The following SEL1L variants were observed in gnomAD, a reference collection of about 807,000 sequenced individuals.
SEL1L encodes SEL1L adaptor subunit of SYVN1 ubiquitin ligase.
SEL1L carries 52 observed loss-of-function variants against 109.8 expected under a neutral mutation model. That is an observed-to-expected ratio of 0.47 (90% CI 0.38 to 0.60). The LOEUF is 0.60. Among genes scored for constraint, SEL1L ranks in the 20% least tolerant of loss-of-function variants. The pLI, the probability that SEL1L is intolerant of heterozygous loss-of-function variation, is 0.00. For missense variants in SEL1L, 749 were observed against 962.2 expected (o/e 0.78, Z 2.93); for synonymous variants, 373 against 339.6 (o/e 1.10, Z -1.08).
chr14:81,504,340 T>C, intron 4 of SEL1L, 34 bp from the exon 5 acceptor site: 1 of 1,426,032 alleles, frequency 7.0e-7, no homozygotes, highest in Non-Finnish European at 9.5e-7. Context: ...TTTAAATGGA[T>C]TTTAATTCTA....
At chr14:81,523,787 A>G (rs1290129877) in intron 3 of SEL1L, among the ~76,000 whole-genome samples, 1 of 151,960 alleles carries the variant, frequency 6.6e-6, no homozygotes, top group African/African-American at 2.4e-5. Flanking sequence ...CTGATGGAGA[A>G]TCCTCTGCAG....
chr14:81,511,894 G>A (rs894649830), intron 3 of SEL1L, among the ~76,000 whole-genome samples: 7 of 152,176 alleles, frequency 4.6e-5, no homozygotes, highest in Non-Finnish European at 1.0e-4. Context: ...CAGTAAGAAA[G>A]TATACAAAAT....
intron 11 of SEL1L, among the ~76,000 whole-genome samples, chr14:81,494,714 T>C (rs1883674149): frequency 6.6e-6 from 1 of 152,258 alleles, no homozygotes; most frequent in Non-Finnish European, 1.5e-5. Flanking sequence ...AAGCGGTACC[T>C]CCTACCCATT....
chr14:81,526,680 A>T, intron 3 of SEL1L, 53 bp downstream of exon 3: 1 of 1,397,470 alleles, frequency 7.2e-7, no homozygotes, highest in South Asian at 1.2e-5. Context: ...TTAGCTTAAA[A>T]TTTTCAGTTG....
At chr14:81,509,951 C>T (rs1419204877) in intron 3 of SEL1L, among the ~76,000 whole-genome samples, 7 of 152,272 alleles carry the variant, frequency 4.6e-5, no homozygotes, top group African/African-American at 7.2e-5. Flanking sequence ...TGGGTAAATA[C>T]ACTATGGGGC....
chr14:81,530,172 C>A (rs996840422), intron 1 of SEL1L, among the ~76,000 whole-genome samples: 3 of 152,180 alleles, frequency 2.0e-5, no homozygotes, highest in African/African-American at 7.2e-5. Context: ...AGACTGATAA[C>A]CTTTAAACAC....
At chr14:81,500,279 G>A (rs766711817) in intron 6 of SEL1L, among the ~76,000 whole-genome samples, 2 of 152,052 alleles carry the variant, frequency 1.3e-5, no homozygotes, top group Admixed American at 6.6e-5. Flanking sequence ...TGTCGCCTAG[G>A]CTGGAGACCA....
intron 11 of SEL1L, among the ~76,000 whole-genome samples, chr14:81,493,637 C>G (rs1000373395): frequency 6.6e-6 from 1 of 152,238 alleles, no homozygotes; most frequent in African/African-American, 2.4e-5. Flanking sequence ...CTTTCCTTCA[C>G]AGCCAAGCTT....
Position 81,471,706 on chromosome 14 carries a change from A to G in SEL1L, c.*5266T>C, listed in dbSNP as rs1214421382. 1 of 152,254 alleles carries G rather than the reference A, an allele frequency of 6.6e-6. No homozygotes were observed. The highest frequency in any genetic ancestry group is 1.5e-5 in the Non-Finnish European group (1 of 68,056). The allele number at this position is 152,254 out of a possible 1,614,324, so 9.4% of individuals were successfully genotyped here. On this transcript the variant is annotated 3_prime_UTR_variant, in exon 21 of 21. Coordinates refer to ENST00000336735, the MANE Select transcript of SEL1L (RefSeq NM_005065.6). ...ATGTTTAAAAGAAATTAACCCAGAT[A>G]AAAAGAATTTGGCCTCTAGGGAAAA...
chr14:81,493,466 C>T (rs145574024), intron 11 of SEL1L, among the ~76,000 whole-genome samples: 106 of 152,072 alleles, frequency 7.0e-4, no homozygotes, highest in African/African-American at 2.2e-3. Context: ...GCCGAGACTG[C>T]GCCACTGCAC....
chr14:81,507,148 A>G (rs1884273091), intron 3 of SEL1L, among the ~76,000 whole-genome samples: 1 of 152,236 alleles, frequency 6.6e-6, no homozygotes, highest in Non-Finnish European at 1.5e-5. Context: ...AGGAAGACAG[A>G]CTGGGGAAGA....
At chr14:81,518,381 C>T (rs1298630362) in intron 3 of SEL1L, among the ~76,000 whole-genome samples, 3 of 150,840 alleles carry the variant, frequency 2.0e-5, no homozygotes, top group Non-Finnish European at 4.4e-5. Context: ...AAAGGTAGGC[C>T]GGGTGCGGTG....
chr14:81,486,986 T>TA (rs1173044771), intron 16 of SEL1L, among the ~76,000 whole-genome samples: 1 of 149,036 alleles, frequency 6.7e-6, no homozygotes, highest in African/African-American at 2.5e-5. Context: ...TTTTTTTTTT[T>TA]AAGAGATAGG....
At chr14:81,478,602 A>G (rs1903246608) in intron 20 of SEL1L, among the ~76,000 whole-genome samples, 3 of 152,196 alleles carry the variant, frequency 2.0e-5, no homozygotes, top group Non-Finnish European at 4.4e-5. Flanking sequence ...GATTGTTTCA[A>G]TTGGCAGCGG....
intron 11 of SEL1L, among the ~76,000 whole-genome samples, chr14:81,492,815 C>A (rs1248071381): frequency 2.0e-5 from 3 of 152,132 alleles, no homozygotes; most frequent in Non-Finnish European, 4.4e-5. Flanking sequence ...ACGTAAGGTA[C>A]AACAAGCCTC....
intron 5 of SEL1L, 55 bp from the exon 6 acceptor site, chr14:81,502,938 A>T (rs1194642751): frequency 1.4e-6 from 2 of 1,449,116 alleles, no homozygotes; most frequent in African/African-American, 1.4e-5. Context: ...ACTGCCATTA[A>T]GTTTTTTTGA....
At chr14:81,481,996 A>C (rs1202664080) in intron 19 of SEL1L, among the ~76,000 whole-genome samples, 1 of 151,696 alleles carries the variant, frequency 6.6e-6, no homozygotes, top group Non-Finnish European at 1.5e-5. Context: ...GTGCCACTGC[A>C]CTCCAGCCTG....
At position 81,489,281 on chromosome 14, in the gene SEL1L, C is replaced by A. The variant is rs759709537; in HGVS notation, c.1366G>T (p.Ala456Ser). The change falls in exon 14 of 21, where the codon GCC (alanine) becomes TCC (serine). Residue 456 changes from alanine (A) to serine (S), a missense_variant. By Grantham distance (99) the Ala-to-Ser change is moderately conservative. This residue lies in a region of SEL1L where 383 missense variants were observed against 562.5 expected (regional missense o/e 0.68). Coordinates refer to ENST00000336735, the MANE Select transcript of SEL1L (RefSeq NM_005065.6). ...NPVGQSGLGM[A>S]YLYGRGVQVN... ...TGAACTCCTCTCCCATAGAGGTAGG[C>A]CATTCCAAGCCCACTCTGTCCAACT... 6.2e-7 allele frequency: 1 copy of A among 1,614,158 alleles called. No individual in the cohort carries two copies. Among genetic ancestry groups the A allele is most frequent in the Non-Finnish European group, 8.5e-7 (1 of 1,179,990 alleles).
intron 1 of SEL1L, among the ~76,000 whole-genome samples, chr14:81,529,362 A>G (rs1439243110): frequency 6.6e-6 from 1 of 152,196 alleles, no homozygotes; most frequent in Non-Finnish European, 1.5e-5. Flanking sequence ...ATCAAAACAG[A>G]TATTAAATGT....
Sources: allele counts gnomAD v4.1 joint callset (sites outside exome capture counted in the v4.1 genomes callset), GRCh38; gene constraint gnomAD v4.1.1; regional missense constraint gnomAD v4.1.1; transcripts MANE v1.5; gene names NCBI Gene and HGNC (gene_info 2026-07-23, HGNC 2026-07-21).